The following BACE2 variants were observed in gnomAD, a reference collection of about 807,000 sequenced individuals.
The protein encoded by BACE2 is beta-secretase 2, also known as 56 kDa aspartic-like protease.
A neutral mutation model predicts 46.2 loss-of-function variants in BACE2; 17 were observed. That is an observed-to-expected ratio of 0.37 (90% confidence interval 0.25 to 0.55). The LOEUF (loss-of-function observed/expected upper bound fraction) is 0.55. Ranked by LOEUF, BACE2 falls within the 20% of genes least tolerant of loss-of-function variation. The probability of loss-of-function intolerance (pLI) is 0.82; values close to 1 mark genes in which losing one functional copy is unlikely to be tolerated. For missense variants in BACE2, 595 were observed against 698.1 expected (o/e 0.85, Z 1.66); for synonymous variants, 277 against 295.9 (o/e 0.94, Z 0.66).
At chr21:41,170,215 C>CAAA (rs34756203) in intron 1 of BACE2, among the ~76,000 whole-genome samples, 3 of 148,314 alleles carry the variant, frequency 2.0e-5, no homozygotes, top group Admixed American at 6.7e-5. Context: ...CTTTGGCAAT[C>CAAA]AAAAAAAAAA....
intron 7 of BACE2, among the ~76,000 whole-genome samples, chr21:41,253,311 G>A (rs541293360): frequency 4.6e-5 from 7 of 151,848 alleles, no homozygotes; most frequent in South Asian, 2.1e-4. Context: ...GCTTGGTGGC[G>A]GGCACCTGTA....
At chr21:41,252,909 C>T (rs527903339) in intron 7 of BACE2, among the ~76,000 whole-genome samples, 5 of 117,706 alleles carry the variant, frequency 4.2e-5, no homozygotes, top group East Asian at 1.9e-4. Flanking sequence ...AAATTCAGGC[C>T]GACAGGAGAT....
chr21:41,182,263 C>T (rs931760124), intron 1 of BACE2: 3 of 167,102 alleles, frequency 1.8e-5, no homozygotes, highest in African/African-American at 7.2e-5. Context: ...TCATAAGAAA[C>T]AGGTTTAGTC....
At chr21:41,210,923 G>A (rs1156855792) in intron 1 of BACE2, among the ~76,000 whole-genome samples, 1 of 152,134 alleles carries the variant, frequency 6.6e-6, no homozygotes, top group Non-Finnish European at 1.5e-5. Context: ...AACCCATTCA[G>A]CGTAAAGCTC....
intron 1 of BACE2, chr21:41,182,794 C>T (rs1203937784): frequency 6.0e-6 from 1 of 167,046 alleles, no homozygotes; most frequent in East Asian, 1.9e-4. Context: ...TTATTTTACT[C>T]TAGGATAGGG....
Position 41,276,688 on chromosome 21 carries a change from C to T in BACE2, c.*1064C>T, listed in dbSNP as rs1339929115. On this transcript the variant is annotated 3_prime_UTR_variant, in exon 9 of 9. Transcript: ENST00000330333. ...GGGAAACAGGGAAATGGCCTGATGCCCCTATTTCTGACCAGCTGTCAGGGA... is the reference window on the plus strand; with the variant it reads ...GGGAAACAGGGAAATGGCCTGATGCTCCTATTTCTGACCAGCTGTCAGGGA... The T allele has an allele frequency of 6.6e-6, 1 of 152,188 alleles. No individual in the cohort carries two copies. Among genetic ancestry groups the T allele is most frequent in the East Asian group, 1.9e-4 (1 of 5,186 alleles). The allele number at this position is 152,188 out of a possible 1,614,324, so 9.4% of individuals were successfully genotyped here.
At chr21:41,218,432 G>A (rs933447471) in intron 1 of BACE2, among the ~76,000 whole-genome samples, 13 of 152,208 alleles carry the variant, frequency 8.5e-5, no homozygotes, top group African/African-American at 2.9e-4. Flanking sequence ...GGAAGATGGT[G>A]TCCAACTTTG....
rs202000983 is a variant in BACE2, at chr21:41,179,256, G to A, written c.312+10681G>A. On this transcript the variant is annotated intron_variant, in intron 1 of 8. Coordinates refer to ENST00000330333, the MANE Select transcript of BACE2 (RefSeq NM_012105.5). ...GAGGGTGTCCAGGGTGAGGAGTGAG[G>A]GAGTCCAGGGTGAGGAGTGAGGGAG... is the stretch of plus-strand genomic sequence containing the variant. 2.5e-4 allele frequency: 326 copies of A among 1,296,932 alleles called. 2 individuals are homozygous for A. In the African/African-American group the frequency reaches 3.7e-3, roughly 15 times the overall value. The allele number at this position is 1,296,932 out of a possible 1,614,324, so 80.3% of individuals were successfully genotyped here. A position where few individuals can be genotyped will look rare whatever the true frequency, so the allele number is the denominator to read the frequency against.
chr21:41,200,557 A>C (rs1985931738), intron 1 of BACE2, among the ~76,000 whole-genome samples: 1 of 152,144 alleles, frequency 6.6e-6, no homozygotes, highest in South Asian at 2.1e-4. Flanking sequence ...GCCCCCTGTG[A>C]TGGACTGAAT....
At chr21:41,254,166 T>C (rs921885252) in intron 7 of BACE2, among the ~76,000 whole-genome samples, 1 of 152,238 alleles carries the variant, frequency 6.6e-6, no homozygotes, top group Admixed American at 6.5e-5. Flanking sequence ...GCAATTACTT[T>C]AAACTTTGTC....
chr21:41,235,457 C>G (rs1429765697), intron 2 of BACE2, among the ~76,000 whole-genome samples: 3 of 152,128 alleles, frequency 2.0e-5, no homozygotes, highest in Non-Finnish European at 4.4e-5. Context: ...CCTGGTGTCT[C>G]CTTAGGGTCA....
Position 41,207,234 on chromosome 21 carries a change from G to A in BACE2, c.313-19032G>A, listed in dbSNP as rs562971263. Among the ~76,000 whole-genome samples, 319 of 152,320 alleles carry A rather than the reference G, an allele frequency of 2.1e-3. 2 individuals carry two copies. Among genetic ancestry groups the A allele is most frequent in the Admixed American group, 4.8e-3 (73 of 15,302 alleles). Reference sequence around the variant, plus strand: ...GGTTCTTAGGGGTTCTTTCGGAGTGGCTTTAGTTGTCGCTTGGGAAAGGAA... The same window carrying A: ...GGTTCTTAGGGGTTCTTTCGGAGTGACTTTAGTTGTCGCTTGGGAAAGGAA... On this transcript the variant is annotated intron_variant, in intron 1 of 8. Coordinates refer to ENST00000330333, the MANE Select transcript of BACE2 (RefSeq NM_012105.5).
chr21:41,225,102 C>T (rs941213993), intron 1 of BACE2, among the ~76,000 whole-genome samples: 11 of 151,996 alleles, frequency 7.2e-5, no homozygotes, highest in African/African-American at 1.7e-4. Context: ...GGCTCGGTGG[C>T]GGGCACCTGT....
chr21:41,218,679 C>G (rs1355057284), intron 1 of BACE2, among the ~76,000 whole-genome samples: 1 of 152,060 alleles, frequency 6.6e-6, no homozygotes, highest in Non-Finnish European at 1.5e-5. Flanking sequence ...CCTCATCTTC[C>G]TTAATGGAAG....
At chr21:41,247,329 G>A (rs1987500714) in intron 6 of BACE2, among the ~76,000 whole-genome samples, 1 of 152,210 alleles carries the variant, frequency 6.6e-6, no homozygotes, top group African/African-American at 2.4e-5. Flanking sequence ...AGGTCTCAAG[G>A]CGGCCAGCCA....
chr21:41,230,830 A>G (rs542031677), intron 2 of BACE2, among the ~76,000 whole-genome samples: 1 of 152,222 alleles, frequency 6.6e-6, no homozygotes, highest in Admixed American at 6.5e-5. Flanking sequence ...AGAGCAAAAA[A>G]AGAAAAAAAG....
chr21:41,211,376 A>G (rs1986298700), intron 1 of BACE2, among the ~76,000 whole-genome samples: 1 of 151,722 alleles, frequency 6.6e-6, no homozygotes, highest in Non-Finnish European at 1.5e-5. Context: ...GTTCTGTAAC[A>G]TCTGTTTGTG....
chr21:41,259,877 G>A (rs7284034), intron 8 of BACE2, among the ~76,000 whole-genome samples: 1 of 151,818 alleles, frequency 6.6e-6, no homozygotes, highest in South Asian at 2.1e-4. Context: ...ACTCAGGCTA[G>A]AGTAGAGTGC....
intron 5 of BACE2, among the ~76,000 whole-genome samples, chr21:41,245,645 C>G (rs752794923): frequency 6.6e-6 from 1 of 152,252 alleles, no homozygotes; most frequent in Non-Finnish European, 1.5e-5. Context: ...GGCAGGAGTG[C>G]AGGTCCTCAA....
Sources: gnomAD v4.1 joint callset for allele counts (sites outside exome capture counted in the v4.1 genomes callset) on GRCh38, gnomAD v4.1.1 for gene constraint, MANE v1.5 for transcripts, NCBI Gene and HGNC (gene_info 2026-07-23, HGNC 2026-07-21) for gene names.